Variants in PKD1L1 observed in about 807,000 individuals in gnomAD.
The protein encoded by PKD1L1 is polycystin-1-like protein 1.
In PKD1L1, 236 loss-of-function variants were observed where a neutral mutation model predicts 323.4. The ratio of observed to expected loss-of-function variants is 0.73; its 90% confidence interval spans 0.66 to 0.81. The LOEUF (loss-of-function observed/expected upper bound fraction) is 0.81, where lower values mean the gene tolerates loss of function less well. Among genes scored for constraint, PKD1L1 ranks in the 40% least tolerant of loss-of-function variants. PKD1L1 has a pLI of 0.00. For synonymous variants in PKD1L1, 1,344 were observed against 1,335.0 expected (o/e 1.01, Z -0.15); for missense variants, 3,320 against 3,508.0 (o/e 0.95, Z 1.35).
At position 47,905,969 on chromosome 7, in the gene PKD1L1, T is replaced by C; in HGVS notation, c.1403-7A>G. On this transcript the variant is annotated splice_polypyrimidine_tract_variant and splice_region_variant and intron_variant, in intron 9 of 56. Transcript: ENST00000289672. ...TGATGTATAACCACAGTGCCTAAAATGAGAAAAAAAGGAGATAAGAGAAAA... is the reference window on the plus strand; with the variant it reads ...TGATGTATAACCACAGTGCCTAAAACGAGAAAAAAAGGAGATAAGAGAAAA... 1 of 1,577,506 alleles carries C rather than the reference T, an allele frequency of 6.3e-7. No individual in the cohort carries two copies. Among genetic ancestry groups the C allele is most frequent in the Non-Finnish European group, 8.6e-7 (1 of 1,165,890 alleles).
At chr7:47,940,807 C>G (rs1323149559) in intron 2 of PKD1L1, among the ~76,000 whole-genome samples, 1 of 152,224 alleles carries the variant, frequency 6.6e-6, no homozygotes, top group Non-Finnish European at 1.5e-5. Context: ...CTGACGTTCA[C>G]TCCTCCCATC....
chr7:47,831,264 C>G lies in PKD1L1; in HGVS notation c.6426G>C (p.Gly2142=). ...WWSSAVWAIC[G]TASLACSLGT... ...CCAAACTGCAGGCCAAAGAAGCGGT[C>G]CCACAAATGGCCCACACTGCAGAGC... The change falls in exon 42 of 57, where the codon GGG becomes GGC. Residue 2142 remains glycine (G), a synonymous_variant. Transcript: ENST00000289672. 2 of 1,614,144 alleles carry G rather than the reference C, an allele frequency of 1.2e-6. No homozygotes were observed. The highest frequency in any genetic ancestry group is 1.7e-6 in the Non-Finnish European group (2 of 1,180,000).
intron 7 of PKD1L1, among the ~76,000 whole-genome samples, chr7:47,925,712 CT>C (rs1020605392): frequency 3.3e-5 from 5 of 152,120 alleles, no homozygotes; most frequent in African/African-American, 1.2e-4. Context: ...ACAAAACAGA[CT>C]TTTTGTAGCA....
At chr7:47,954,440 G>A in the PKD1L1 span, among the ~76,000 whole-genome samples, 45 of 152,140 alleles carry the variant, frequency 3.0e-4, no homozygotes, top group Non-Finnish European at 3.5e-4. Context: ...CTGTTACCAG[G>A]AGAATGAGTT....
In PKD1L1 at chr7:47,904,503, A is replaced by C; in HGVS notation, c.1806T>G (p.Ala602=). 1 of 1,614,102 alleles carries C rather than the reference A, an allele frequency of 6.2e-7. No homozygotes were observed. Among genetic ancestry groups the C allele is most frequent in the South Asian group, 1.1e-5 (1 of 91,078 alleles). The part of the protein sequence containing the change: ...VANRLTSPSS[A]LVNASVAFEC... ...CAAAGGCCACACTGGCATTTACCAG[A>C]GCTGAGGAGGGGGACGTGAGCCGAT... Residue 602 remains alanine (A), a synonymous_variant, in exon 12 of 57, where the codon GCT becomes GCG. Transcript: ENST00000289672.
chr7:47,855,127 T>A, intron 29 of PKD1L1, 28 bp downstream of exon 29: 1 of 1,611,360 alleles, frequency 6.2e-7, no homozygotes, highest in South Asian at 1.1e-5. Context: ...CTAAATGAAG[T>A]AGAGATACTG....
At chr7:47,822,436 A>G (rs1459719451) in intron 45 of PKD1L1, among the ~76,000 whole-genome samples, 1 of 24,088 alleles carries the variant, frequency 4.2e-5, no homozygotes, top group Admixed American at 4.1e-4. Flanking sequence ...TAAAAATACA[A>G]AAAAAAAAAA....
At chr7:47,786,066 T>C (rs1487238770) in intron 56 of PKD1L1, among the ~76,000 whole-genome samples, 3 of 152,244 alleles carry the variant, frequency 2.0e-5, no homozygotes, top group Non-Finnish European at 4.4e-5. Flanking sequence ...AAAAGCCCCT[T>C]CTAGCCTGTT....
At chr7:47,836,235 G>A (rs1785454502) in intron 37 of PKD1L1, among the ~76,000 whole-genome samples, 2 of 151,986 alleles carry the variant, frequency 1.3e-5, no homozygotes, top group African/African-American at 4.8e-5. Context: ...CACTATGCCC[G>A]GCTGTCCCAT....
chr7:47,854,581 A>C (rs1785854838), intron 30 of PKD1L1, among the ~76,000 whole-genome samples: 1 of 152,222 alleles, frequency 6.6e-6, no homozygotes, highest in Admixed American at 6.5e-5. Flanking sequence ...GGAAAAATAA[A>C]AAAAAATCTT....
intron 26 of PKD1L1, among the ~76,000 whole-genome samples, chr7:47,862,883 G>T (rs545863821): frequency 6.6e-6 from 1 of 152,174 alleles, no homozygotes; most frequent in Non-Finnish European, 1.5e-5. Context: ...GAGAAGCCAC[G>T]GGGAGTGCTG....
At chr7:47,866,834 C>CT (rs1786180368) in intron 24 of PKD1L1, among the ~76,000 whole-genome samples, 1 of 152,066 alleles carries the variant, frequency 6.6e-6, no homozygotes, top group Non-Finnish European at 1.5e-5. Context: ...TTTATCAGAA[C>CT]TAAAAAAGGC....
At chr7:47,922,147 C>T (rs542118339) in intron 7 of PKD1L1, among the ~76,000 whole-genome samples, 5 of 152,348 alleles carry the variant, frequency 3.3e-5, no homozygotes, top group South Asian at 2.1e-4. Context: ...CTCCTGACCA[C>T]GAGTGATCTA....
intron 48 of PKD1L1, chr7:47,813,583 C>G (rs1784950093): frequency 1.5e-6 from 1 of 670,472 alleles, no homozygotes; most frequent in African/African-American, 1.8e-5. Flanking sequence ...AAATGCCTGT[C>G]TCAGGGCATA....
intron 6 of PKD1L1, 80 bp from the exon 7 acceptor site, chr7:47,929,606 C>T: frequency 7.5e-7 from 1 of 1,332,302 alleles, no homozygotes; most frequent in Middle Eastern, 2.6e-4. Context: ...GCAGCCTGGC[C>T]TGGGTCCAGC....
intron 16 of PKD1L1, 117 bp downstream of exon 16, chr7:47,890,425 C>G: frequency 9.8e-7 from 1 of 1,025,296 alleles, no homozygotes; most frequent in Non-Finnish European, 1.5e-6. Flanking sequence ...AGTGAGAATC[C>G]TGCATGGCCA....
rs544677704 is a variant in PKD1L1, at chr7:47,946,792, A to T, written c.44+1605T>A. ...TGTCTTGCTTTAGGTGACTCAGGAAACCCCAAAAGGCTATGACTTCAGAAA... is the reference window on the plus strand; with the variant it reads ...TGTCTTGCTTTAGGTGACTCAGGAATCCCCAAAAGGCTATGACTTCAGAAA... On this transcript the variant is annotated intron_variant, in intron 1 of 56. Coordinates refer to ENST00000289672, the MANE Select transcript of PKD1L1 (RefSeq NM_138295.5). The surrounding 1 kb of genome is among the most constrained non-coding windows in gnomAD (Gnocchi z 4.1). Among the ~76,000 whole-genome samples, 1 of 152,230 alleles carries T rather than the reference A, an allele frequency of 6.6e-6. No individual in the cohort carries two copies. The highest frequency in any genetic ancestry group is 2.1e-4 in the South Asian group (1 of 4,812).
At chr7:47,904,927 A>G (rs1199081325) in intron 11 of PKD1L1, among the ~76,000 whole-genome samples, 1 of 152,128 alleles carries the variant, frequency 6.6e-6, no homozygotes, top group Non-Finnish European at 1.5e-5. Context: ...CGAACCTAGG[A>G]CTGTCTGCTT....
intron 3 of PKD1L1, among the ~76,000 whole-genome samples, chr7:47,938,140 A>C (rs1405629129): frequency 6.6e-6 from 1 of 152,126 alleles, no homozygotes; most frequent in Non-Finnish European, 1.5e-5. Context: ...AGTTCCAGCC[A>C]GTTAAGAAGT....
Sources: allele counts gnomAD v4.1 joint callset (sites outside exome capture counted in the v4.1 genomes callset), GRCh38; gene constraint gnomAD v4.1.1; non-coding constraint Gnocchi (gnomAD v3.1); transcripts MANE v1.5; gene names NCBI Gene and HGNC (gene_info 2026-07-23, HGNC 2026-07-21).